Variants in SIPA1L2 observed in about 807,000 individuals in gnomAD.
SIPA1L2 encodes signal-induced proliferation-associated 1-like protein 2.
Under a neutral mutation model 163.9 loss-of-function variants are expected in SIPA1L2, and 56 were observed. The ratio of observed to expected loss-of-function variants is 0.34; its 90% CI spans 0.28 to 0.43. The LOEUF (loss-of-function observed/expected upper bound fraction) is 0.43. Ranked by LOEUF, SIPA1L2 falls within the 20% of genes least tolerant of loss-of-function variation. The pLI, the probability that SIPA1L2 is intolerant of heterozygous loss-of-function variation, is 1.00. For synonymous variants in SIPA1L2, 877 were observed against 865.7 expected, an observed-to-expected ratio of 1.01 and a Z score of -0.23; for missense variants, 1,974 against 2,193.5, an observed-to-expected ratio of 0.90 and a Z score of 2.00.
intron 10 of SIPA1L2, among the ~76,000 whole-genome samples, chr1:232,457,912 C>T (rs1664019976): frequency 6.6e-6 from 1 of 152,154 alleles, no homozygotes; most frequent in Admixed American, 6.5e-5. Flanking sequence ...TCAGGGCACC[C>T]AGACAGTTGC....
chr1:232,434,536 G>T (rs1330340019), intron 15 of SIPA1L2, among the ~76,000 whole-genome samples: 1 of 151,940 alleles, frequency 6.6e-6, no homozygotes, highest in Non-Finnish European at 1.5e-5. Flanking sequence ...ACACCAGGTC[G>T]GGAGAACAGT....
At chr1:232,593,266 C>A (rs936728750) in intron 1 of SIPA1L2, among the ~76,000 whole-genome samples, 40 of 152,106 alleles carry the variant, frequency 2.6e-4, no homozygotes, top group African/African-American at 9.7e-4. Flanking sequence ...GGTATCTGGT[C>A]AATTCCTGTT....
intron 1 of SIPA1L2, among the ~76,000 whole-genome samples, chr1:232,589,303 A>G (rs1399811767): frequency 6.6e-6 from 1 of 152,200 alleles, no homozygotes; most frequent in Non-Finnish European, 1.5e-5. Flanking sequence ...CAATTTCCCA[A>G]ATGACTAGTC....
intron 3 of SIPA1L2, among the ~76,000 whole-genome samples, chr1:232,503,999 T>C (rs898057426): frequency 6.6e-6 from 1 of 152,150 alleles, no homozygotes; most frequent in Admixed American, 6.5e-5. Context: ...GAGATCAGTC[T>C]GGGCATCACT....
chr1:232,550,593 T>G (rs373251114), intron 2 of SIPA1L2, among the ~76,000 whole-genome samples: 6 of 152,344 alleles, frequency 3.9e-5, no homozygotes, highest in Non-Finnish European at 5.9e-5. Context: ...ATTGTGGCTG[T>G]TTTTGCTACT....
intron 10 of SIPA1L2, among the ~76,000 whole-genome samples, chr1:232,458,880 C>G (rs991024488): frequency 6.6e-6 from 1 of 152,210 alleles, no homozygotes; most frequent in Non-Finnish European, 1.5e-5. Flanking sequence ...GGACTCATAG[C>G]AGTACATGTG....
intron 16 of SIPA1L2, among the ~76,000 whole-genome samples, chr1:232,430,211 G>A (rs1020620606): frequency 2.0e-5 from 3 of 152,166 alleles, no homozygotes; most frequent in African/African-American, 7.2e-5. Context: ...AATCAAGTGC[G>A]AAGACACTGT....
chr1:232,622,983 G>A (rs529960834), intron 1 of SIPA1L2, among the ~76,000 whole-genome samples: 10 of 152,258 alleles, frequency 6.6e-5, no homozygotes, highest in African/African-American at 2.4e-4. Context: ...TAAGTGCAGG[G>A]AATACAGCAG....
chr1:232,467,897 G>A (rs983814202), intron 8 of SIPA1L2, among the ~76,000 whole-genome samples: 1 of 152,204 alleles, frequency 6.6e-6, no homozygotes, highest in Non-Finnish European at 1.5e-5. Flanking sequence ...GAGACATGGT[G>A]ACTCCATTAT....
chr1:232,402,863 T>G (rs1382030481), intron 21 of SIPA1L2: 1 of 174,872 alleles, frequency 5.7e-6, no homozygotes, highest in Non-Finnish European at 1.2e-5. Context: ...GTTAATGAAG[T>G]TAATTCCAAG....
At chr1:232,479,932 T>TC (rs1665241289) in intron 6 of SIPA1L2, among the ~76,000 whole-genome samples, 1 of 152,152 alleles carries the variant, frequency 6.6e-6, no homozygotes, top group African/African-American at 2.4e-5. Flanking sequence ...GAGGCTCCTT[T>TC]CCTTCCCCAC....
At chr1:232,493,753 G>A in intron 3 of SIPA1L2, 93 bp from the exon 4 acceptor site, 1 of 1,478,634 alleles carries the variant, frequency 6.8e-7, no homozygotes, top group Non-Finnish European at 9.3e-7. Flanking sequence ...AATCTCTGAA[G>A]AAATACCACA....
chr1:232,497,837 T>G (rs1666279076), intron 3 of SIPA1L2, among the ~76,000 whole-genome samples: 1 of 152,190 alleles, frequency 6.6e-6, no homozygotes, highest in African/African-American at 2.4e-5. Context: ...ATCTTCTATC[T>G]TTCCAACTAC....
intron 1 of SIPA1L2, among the ~76,000 whole-genome samples, chr1:232,575,966 G>A (rs1000093375): frequency 2.6e-5 from 4 of 152,214 alleles, no homozygotes; most frequent in African/African-American, 7.2e-5. Flanking sequence ...GAGGTATGTA[G>A]AGTAAGTCAA....
At chr1:232,545,757 C>A (rs190740410) in intron 2 of SIPA1L2, among the ~76,000 whole-genome samples, 1 of 152,232 alleles carries the variant, frequency 6.6e-6, no homozygotes, top group East Asian at 1.9e-4. Context: ...TGTAATTTAG[C>A]AGTAATAGAA....
chr1:232,441,782 GCTTCCATGGTGT>G lies in SIPA1L2; in HGVS notation c.3512_3523del (p.Asp1171_Glu1174del), dbSNP rs1662912120. The G allele has an allele frequency of 6.2e-7, 1 of 1,613,896 alleles. No individual in the cohort carries two copies. The highest frequency in any genetic ancestry group is 8.5e-7 in the Non-Finnish European group (1 of 1,179,936). ...TTCCTTATTACCCGGGTGCCTGCTTGCTTCCATGGTGTCTTCCCTCTCCCTGGCTCCGTCACA... is the reference window on the plus strand; with the variant it reads ...TTCCTTATTACCCGGGTGCCTGCTTGCTTCCCTCTCCCTGGCTCCGTCACA... On this transcript the variant is annotated inframe_deletion, in exon 13 of 23. Transcript: ENST00000674635.
intron 19 of SIPA1L2, among the ~76,000 whole-genome samples, chr1:232,408,607 A>G (rs893229907): frequency 9.2e-5 from 14 of 152,036 alleles, no homozygotes; most frequent in Admixed American, 2.0e-4. Context: ...GTAACTCATT[A>G]TTCTTTAAAT....
chr1:232,609,817 G>A (rs1197845249), intron 1 of SIPA1L2, among the ~76,000 whole-genome samples: 1 of 132,788 alleles, frequency 7.5e-6, no homozygotes, highest in East Asian at 2.1e-4. Flanking sequence ...GCGACAGTGC[G>A]AGACTCCATC....
intron 2 of SIPA1L2, among the ~76,000 whole-genome samples, chr1:232,551,773 G>T (rs997764156): frequency 6.6e-6 from 1 of 152,244 alleles, no homozygotes; most frequent in Non-Finnish European, 1.5e-5. Context: ...TAGCTGATGA[G>T]TTGAGCCTTA....
Sources: gnomAD v4.1 joint callset for allele counts (sites outside exome capture counted in the v4.1 genomes callset) on GRCh38, gnomAD v4.1.1 for gene constraint, MANE v1.5 for transcripts, NCBI Gene and HGNC (gene_info 2026-07-23, HGNC 2026-07-21) for gene names.